The following DOCK1 variants were observed in gnomAD, a reference collection of about 807,000 sequenced individuals.
DOCK1 encodes the protein dedicator of cytokinesis protein 1.
DOCK1 carries 138 observed loss-of-function variants against 262.7 expected under a neutral mutation model. That is an observed-to-expected ratio of 0.53 (90% CI 0.46 to 0.61). The LOEUF (loss-of-function observed/expected upper bound fraction) is 0.61, where lower values mean the gene tolerates loss of function less well. Among genes scored for constraint, DOCK1 ranks in the 20% least tolerant of loss-of-function variants. DOCK1 has a pLI of 0.00. For missense variants in DOCK1, 1,908 were observed against 2,370.7 expected, an observed-to-expected ratio of 0.80 and a Z score of 4.05; for synonymous variants, 866 against 867.4, an observed-to-expected ratio of 1.00 and a Z score of 0.03.
At chr10:127,414,320 CAGA>C (rs1231929377) in intron 43 of DOCK1, among the ~76,000 whole-genome samples, 1 of 152,094 alleles carries the variant, frequency 6.6e-6, no homozygotes, top group Non-Finnish European at 1.5e-5. Context: ...GTTGGAATGG[CAGA>C]AGATTGTTGC....
At chr10:127,043,033 C>G in intron 20 of DOCK1, 31 bp from the exon 21 acceptor site, 1 of 1,502,928 alleles carries the variant, frequency 6.7e-7, no homozygotes, top group Non-Finnish European at 9.2e-7. Flanking sequence ...CATTATGTTG[C>G]TAATGAAAAT....
chr10:127,281,705 T>C (rs2060969109), intron 29 of DOCK1, among the ~76,000 whole-genome samples: 1 of 152,174 alleles, frequency 6.6e-6, no homozygotes. Flanking sequence ...CACGCAGGGT[T>C]GATCTGTGCT....
intron 3 of DOCK1, 151 bp from the exon 4 acceptor site, chr10:126,981,767 A>G (rs2038995723): frequency 7.0e-6 from 5 of 709,548 alleles, no homozygotes; most frequent in South Asian, 2.0e-5. Flanking sequence ...CGTCTTTTCT[A>G]CTTCTTTGTG....
At chr10:127,306,098 TC>T (rs1303797936) in intron 29 of DOCK1, among the ~76,000 whole-genome samples, 1 of 147,338 alleles carries the variant, frequency 6.8e-6, no homozygotes, top group African/African-American at 2.5e-5. Context: ...TACTGCAACC[TC>T]CGCCTCCCAG....
At chr10:127,186,504 A>ACCC (rs1216809857) in intron 27 of DOCK1, among the ~76,000 whole-genome samples, 32 of 9,008 alleles carry the variant, frequency 3.6e-3, no homozygotes, top group East Asian at 9.0e-3. Context: ...CATGGGAGAA[A>ACCC]CCGCCCCCCC....
intron 1 of DOCK1, among the ~76,000 whole-genome samples, chr10:126,920,476 T>A (rs2033070267): frequency 6.6e-6 from 1 of 152,204 alleles, no homozygotes; most frequent in African/African-American, 2.4e-5. Context: ...TTTCGGGTCT[T>A]GATCATCTGT....
At chr10:126,916,623 T>C (rs150564940) in intron 1 of DOCK1, among the ~76,000 whole-genome samples, 311 of 152,126 alleles carry the variant, frequency 2.0e-3, no homozygotes, top group African/African-American at 7.3e-3. Context: ...ACTCATTTCT[T>C]CCCTCCCTTC....
chr10:127,262,517 T>A (rs1410778507), intron 29 of DOCK1, among the ~76,000 whole-genome samples: 1 of 152,186 alleles, frequency 6.6e-6, no homozygotes, highest in Non-Finnish European at 1.5e-5. Context: ...TGCCCCCATA[T>A]GCTGCCCTTT....
chr10:127,267,445 T>C (rs2380255), intron 29 of DOCK1, among the ~76,000 whole-genome samples: 59,270 of 152,114 alleles, frequency 0.39, 11,720 homozygotes, highest in Admixed American at 0.44. Flanking sequence ...TATTTTAAAC[T>C]GTGTCGTCTT....
chr10:127,058,749 C>G (rs1363391649), intron 22 of DOCK1, among the ~76,000 whole-genome samples: 3 of 152,096 alleles, frequency 2.0e-5, no homozygotes, highest in African/African-American at 7.2e-5. Flanking sequence ...AATGATTACT[C>G]TTACCAATCC....
intron 1 of DOCK1, among the ~76,000 whole-genome samples, chr10:126,965,556 G>A (rs2037607922): frequency 6.6e-6 from 1 of 152,098 alleles, no homozygotes; most frequent in Non-Finnish European, 1.5e-5. Context: ...TATCCTGGGA[G>A]GGAAGTCCCA....
rs949088910 is a variant in DOCK1 at position 126,995,180 on chromosome 10, C to T, written c.474-1568C>T. 6.6e-6 allele frequency among the ~76,000 whole-genome samples: 1 copy of T among 151,756 alleles called. No homozygotes were observed. Among genetic ancestry groups the T allele is most frequent in the Non-Finnish European group, 1.5e-5 (1 of 67,926 alleles). ...ACGGGATGACGGCCGGGAAGAGGCG[C>T]TCCTCACTTCCCAGACTGGGTGGCC... On this transcript the variant is annotated intron_variant, in intron 6 of 51. Transcript: ENST00000623213. This position sits in a 1 kb window ranked among gnomAD's most constrained non-coding sequence, Gnocchi z 5.8.
At position 127,139,266 on chromosome 10, in the gene DOCK1, G is replaced by A. The variant is rs11016428; in HGVS notation, c.2847+11502G>A. On this transcript the variant is annotated intron_variant, in intron 27 of 51. Coordinates refer to ENST00000623213, the MANE Select transcript of DOCK1 (RefSeq NM_001290223.2). ...CAAATTTTGACATTTTGGAAAGACA[G>A]AAACAGCCAAGCTATATTATCTGGA... is the stretch of plus-strand genomic sequence containing the variant. Among the ~76,000 whole-genome samples the A allele has an allele frequency of 6.6e-3, 997 of 152,212 alleles. 4 individuals are homozygous for A. Among genetic ancestry groups the A allele is most frequent in the Admixed American group, 0.011 (175 of 15,280 alleles).
chr10:127,151,298 T>A (rs2052463443), intron 27 of DOCK1, among the ~76,000 whole-genome samples: 1 of 152,198 alleles, frequency 6.6e-6, no homozygotes, highest in Non-Finnish European at 1.5e-5. Flanking sequence ...CACACTAGTT[T>A]ATTTCATTGA....
At position 127,279,899 on chromosome 10, in the gene DOCK1, C is replaced by T. The variant is rs570422092; in HGVS notation, c.3044+22470C>T. ...CAAAGCAGTGGCGTTTTCTTAGTAT[C>T]GCCATGTAATAGAGTTCGAGAAAAG... On this transcript the variant is annotated intron_variant, in intron 29 of 51. Transcript: ENST00000623213. Among the ~76,000 whole-genome samples, 64 of 151,782 alleles carry T rather than the reference C, an allele frequency of 4.2e-4. No homozygotes were observed. The South Asian group carries it at 0.012, about 30-fold the overall frequency.
intron 29 of DOCK1, among the ~76,000 whole-genome samples, chr10:127,276,856 A>G (rs890721312): frequency 7.4e-5 from 10 of 135,576 alleles, no homozygotes; most frequent in Non-Finnish European, 1.8e-4. Flanking sequence ...GTTATGGGCC[A>G]TTTCCTATTG....
intron 1 of DOCK1, among the ~76,000 whole-genome samples, chr10:126,963,673 C>CCCTCCCTT (rs1221374074): frequency 2.4e-5 from 2 of 82,376 alleles, no homozygotes; most frequent in Non-Finnish European, 4.9e-5. Flanking sequence ...CTTCCTTCCT[C>CCCTCCCTT]CCTCCCTTCC....
At chr10:127,304,932 G>C (rs893885625) in intron 29 of DOCK1, among the ~76,000 whole-genome samples, 1 of 152,256 alleles carries the variant, frequency 6.6e-6, no homozygotes, top group South Asian at 2.1e-4. Context: ...TGTACCTTAG[G>C]CTTTTTTTGT....
At chr10:127,218,272 C>T (rs966861716) in intron 27 of DOCK1, among the ~76,000 whole-genome samples, 2 of 152,188 alleles carry the variant, frequency 1.3e-5, no homozygotes, top group African/African-American at 4.8e-5. Flanking sequence ...AGAATCTGCT[C>T]ATTTCCTTTT....
Sources: allele counts gnomAD v4.1 joint callset (sites outside exome capture counted in the v4.1 genomes callset), GRCh38; gene constraint gnomAD v4.1.1; non-coding constraint Gnocchi (gnomAD v3.1); transcripts MANE v1.5; gene names NCBI Gene and HGNC (gene_info 2026-07-23, HGNC 2026-07-21).